Variants in CSMD1 observed in about 807,000 individuals in gnomAD.
CSMD1 encodes CUB and sushi domain-containing protein 1.
Under a neutral mutation model 417.5 loss-of-function variants are expected in CSMD1, and 213 were observed. That is an observed-to-expected ratio of 0.51 (90% CI 0.46 to 0.57). The LOEUF (loss-of-function observed/expected upper bound fraction) is 0.57. Among genes scored for constraint, CSMD1 ranks in the 20% least tolerant of loss-of-function variants. CSMD1 has a pLI of 0.00. For synonymous variants in CSMD1, 2,862 were observed against 1,736.8 expected, an observed-to-expected ratio of 1.65 and a Z score of -16.11; for missense variants, 6,923 against 4,529.7, an observed-to-expected ratio of 1.53 and a Z score of -15.17.
At chr8:3,074,466 G>A (rs1023256398) in intron 49 of CSMD1, among the ~76,000 whole-genome samples, 1 of 152,132 alleles carries the variant, frequency 6.6e-6, no homozygotes, top group African/African-American at 2.4e-5. Context: ...CCTTCACCAG[G>A]CTCCTCAAAC....
At chr8:3,831,405 C>A (rs1263309742) in intron 5 of CSMD1, among the ~76,000 whole-genome samples, 1 of 152,056 alleles carries the variant, frequency 6.6e-6, no homozygotes, top group Non-Finnish European at 1.5e-5. Context: ...TGGAACTGCC[C>A]TCACAATGAC....
At chr8:4,129,327 G>A (rs75430804) in intron 3 of CSMD1, among the ~76,000 whole-genome samples, 25 of 152,094 alleles carry the variant, frequency 1.6e-4, no homozygotes, top group African/African-American at 6.0e-4. Flanking sequence ...GTGGAGCCTG[G>A]GAATTCATTT....
chr8:3,989,993 A>T (rs774177288), intron 5 of CSMD1, among the ~76,000 whole-genome samples: 13 of 152,224 alleles, frequency 8.5e-5, no homozygotes, highest in Non-Finnish European at 1.5e-4. Context: ...TACAATTGGA[A>T]CACGAGGATG....
chr8:3,047,593 G>A (rs550072604), intron 50 of CSMD1, among the ~76,000 whole-genome samples: 1 of 152,264 alleles, frequency 6.6e-6, no homozygotes, highest in South Asian at 2.1e-4. Context: ...CTGTCCTGAT[G>A]GAATCCAGGG....
intron 1 of CSMD1, among the ~76,000 whole-genome samples, chr8:4,651,245 A>T (rs1803874751): frequency 6.6e-6 from 1 of 152,200 alleles, no homozygotes; most frequent in African/African-American, 2.4e-5. Flanking sequence ...CAGCAAGAGG[A>T]CAGTTTTATA....
chr8:3,935,746 C>T (rs536401268), intron 5 of CSMD1, among the ~76,000 whole-genome samples: 12 of 152,236 alleles, frequency 7.9e-5, no homozygotes, highest in East Asian at 3.9e-4. Context: ...CTCGCTATTC[C>T]GTGAGACACA....
chr8:4,160,283 T>C (rs1053510786), intron 3 of CSMD1, among the ~76,000 whole-genome samples: 58 of 152,188 alleles, frequency 3.8e-4, no homozygotes, highest in Admixed American at 3.3e-3. Context: ...TCTTGGAAAG[T>C]ACTGAATTTA....
chr8:3,953,888 C>T (rs1265379042), intron 5 of CSMD1, among the ~76,000 whole-genome samples: 1 of 152,172 alleles, frequency 6.6e-6, no homozygotes, highest in Non-Finnish European at 1.5e-5. Context: ...CTGTGCAGGC[C>T]CCAGGACTGT....
At chr8:3,740,817 T>A (rs1418828896) in intron 6 of CSMD1, among the ~76,000 whole-genome samples, 1 of 152,090 alleles carries the variant, frequency 6.6e-6, no homozygotes, top group Non-Finnish European at 1.5e-5. Flanking sequence ...TTAGGGAGGC[T>A]ATGCAGGCAA....
At chr8:4,620,937 A>G (rs780053693) in intron 2 of CSMD1, among the ~76,000 whole-genome samples, 1 of 151,998 alleles carries the variant, frequency 6.6e-6, no homozygotes, top group Non-Finnish European at 1.5e-5. Context: ...ATAAATTAAA[A>G]TGTGGTCTTT....
In CSMD1 at chr8:3,883,465, T is replaced by C. The variant is rs541504194; in HGVS notation, c.818+114438A>G. ...ATATATGTATGCTCGTGTATAAGTG[T>C]GTATATATGTATATGCACACAAATA... On this transcript the variant is annotated intron_variant, in intron 5 of 69. Coordinates refer to ENST00000635120, the MANE Select transcript of CSMD1 (RefSeq NM_033225.6). Among the ~76,000 whole-genome samples, 9 of 152,276 alleles carry C rather than the reference T, an allele frequency of 5.9e-5. No individual in the cohort carries two copies. In the South Asian group the frequency reaches 8.3e-4, roughly 14 times the overall value.
At chr8:3,366,892 T>C (rs1204736349) in intron 20 of CSMD1, 140 bp downstream of exon 20, 2 of 710,374 alleles carry the variant, frequency 2.8e-6, no homozygotes, top group East Asian at 5.4e-5. Context: ...CTGCACCCCA[T>C]TAGTTGGAAT....
chr8:3,603,164 A>C (rs1801444579), intron 8 of CSMD1, among the ~76,000 whole-genome samples: 1 of 152,174 alleles, frequency 6.6e-6, no homozygotes, highest in Admixed American at 6.5e-5. Flanking sequence ...GTATTTCTTA[A>C]GTAGTTCTTA....
intron 12 of CSMD1, among the ~76,000 whole-genome samples, chr8:3,444,599 T>C (rs986433649): frequency 1.3e-5 from 2 of 152,134 alleles, no homozygotes; most frequent in Non-Finnish European, 1.5e-5. Flanking sequence ...AGGCCAATGA[T>C]GCTCCTAAAA....
At chr8:4,647,015 G>T (rs1026510380) in intron 1 of CSMD1, among the ~76,000 whole-genome samples, 1 of 152,162 alleles carries the variant, frequency 6.6e-6, no homozygotes, top group South Asian at 2.1e-4. Context: ...CCAAGGTGCT[G>T]ACACGGCCCT....
At chr8:3,906,125 CT>C (rs1808091688) in intron 5 of CSMD1, among the ~76,000 whole-genome samples, 1 of 152,154 alleles carries the variant, frequency 6.6e-6, no homozygotes, top group Non-Finnish European at 1.5e-5. Flanking sequence ...GTGGGAATTC[CT>C]TCCACCCCAC....
rs772187567 is a variant in CSMD1, at chr8:2,965,889, T to G, written c.9166A>C (p.Asn3056His). The change falls in exon 59 of 70, where the codon AAC (asparagine) becomes CAC (histidine). Residue 3056 changes from asparagine to histidine, a missense_variant. Asn to His is a moderately conservative substitution (Grantham distance 68). Transcript: ENST00000635120. ...GIQFGTDFTF[N>H]KTVSYQCNPG... ...TTACACTGATAGCTCACAGTCTTGT[T>G]GAAGGTGAAGTCGGTCCCAAACTGG... 1 of 1,610,684 alleles carries G rather than the reference T, an allele frequency of 6.2e-7. No individual in the cohort carries two copies. Among genetic ancestry groups the G allele is most frequent in the Non-Finnish European group, 8.5e-7 (1 of 1,178,476 alleles).
chr8:4,336,356 G>A (rs1026409397), intron 3 of CSMD1, among the ~76,000 whole-genome samples: 4 of 152,088 alleles, frequency 2.6e-5, no homozygotes, highest in African/African-American at 9.7e-5. Context: ...GAGCAACTGG[G>A]TCATTAACAG....
At chr8:3,080,785 T>C (rs1027102323) in intron 49 of CSMD1, among the ~76,000 whole-genome samples, 8 of 152,212 alleles carry the variant, frequency 5.3e-5, no homozygotes, top group Non-Finnish European at 1.0e-4. Flanking sequence ...AAAATCTCTA[T>C]TTTACATGGC....
Sources: allele counts gnomAD v4.1 joint callset (sites outside exome capture counted in the v4.1 genomes callset), GRCh38; gene constraint gnomAD v4.1.1; transcripts MANE v1.5; gene names NCBI Gene and HGNC (gene_info 2026-07-23, HGNC 2026-07-21).